DPYD: variants seen among roughly 807,000 people sequenced by gnomAD.
The protein encoded by DPYD is dihydropyrimidine dehydrogenase.
Under a neutral mutation model 116.2 loss-of-function variants are expected in DPYD, and 109 were observed. That is an observed-to-expected ratio of 0.94 (90% confidence interval 0.80 to 1.10). DPYD has a LOEUF of 1.10. Ranked by LOEUF, DPYD falls within the 50% of genes least tolerant of loss-of-function variation. The probability of loss-of-function intolerance (pLI) is 0.00; values close to 1 mark genes in which losing one functional copy is unlikely to be tolerated. For synonymous variants in DPYD, 440 were observed against 432.0 expected, an observed-to-expected ratio of 1.02 and a Z score of -0.23; for missense variants, 1,302 against 1,254.5, an observed-to-expected ratio of 1.04 and a Z score of -0.57.
chr1:97,337,652 A>AT (rs67279659), intron 16 of DPYD, among the ~76,000 whole-genome samples: 29,906 of 144,872 alleles, frequency 0.21, 3,375 homozygotes, highest in East Asian at 0.37. Context: ...GACTTAACAC[A>AT]TTTTTTTTTT....
intron 11 of DPYD, among the ~76,000 whole-genome samples, chr1:97,555,081 C>A (rs139582003): frequency 6.6e-6 from 1 of 152,140 alleles, no homozygotes. Context: ...ATGGTCTCCA[C>A]GGTCACCAAA....
At chr1:97,595,582 TTC>T (rs1314810852) in intron 8 of DPYD, among the ~76,000 whole-genome samples, 6 of 151,880 alleles carry the variant, frequency 4.0e-5, no homozygotes, top group African/African-American at 1.4e-4. Flanking sequence ...GTAAAATCAT[TTC>T]TTTTTTAATG....
intron 14 of DPYD, among the ~76,000 whole-genome samples, chr1:97,402,844 T>C (rs890073122): frequency 2.0e-5 from 3 of 152,088 alleles, no homozygotes; most frequent in Non-Finnish European, 4.4e-5. Context: ...TGTCAAATGC[T>C]TTATCTGCAT....
At chr1:97,194,526 T>C (rs1658612452) in intron 19 of DPYD, among the ~76,000 whole-genome samples, 1 of 151,922 alleles carries the variant, frequency 6.6e-6, no homozygotes, top group African/African-American at 2.4e-5. Flanking sequence ...TTTATTTATT[T>C]TTGGAGTCTC....
chr1:97,450,314 T>C, intron 13 of DPYD, 91 bp from the exon 14 acceptor site: 2 of 1,404,046 alleles, frequency 1.4e-6, no homozygotes, highest in Non-Finnish European at 2.0e-6. Flanking sequence ...CAATATTTTA[T>C]GAGGTCCCTT....
intron 21 of DPYD, among the ~76,000 whole-genome samples, chr1:97,085,267 T>C (rs1312933083): frequency 6.6e-6 from 1 of 152,192 alleles, no homozygotes; most frequent in Non-Finnish European, 1.5e-5. Context: ...CAGGAAACTC[T>C]CTAGGCAGTC....
chr1:97,855,177 A>G (rs1301091117), intron 2 of DPYD: 1 of 152,214 alleles, frequency 6.6e-6, no homozygotes, highest in East Asian at 1.9e-4. Flanking sequence ...TGTTCTCGAA[A>G]GTTCATAGTG....
chr1:97,542,381 G>A (rs903294466), intron 12 of DPYD, among the ~76,000 whole-genome samples: 17 of 152,290 alleles, frequency 1.1e-4, no homozygotes, highest in African/African-American at 3.8e-4. Flanking sequence ...TGTTTGATTA[G>A]TGGAGCTTGG....
chr1:97,632,487 G>A (rs1462174713), intron 8 of DPYD, among the ~76,000 whole-genome samples: 1 of 152,056 alleles, frequency 6.6e-6, no homozygotes, highest in East Asian at 1.9e-4. Flanking sequence ...TTCTAAACTT[G>A]CTGAAACCTG....
intron 20 of DPYD, among the ~76,000 whole-genome samples, chr1:97,126,402 C>G (rs919281579): frequency 1.3e-5 from 2 of 152,152 alleles, no homozygotes; most frequent in African/African-American, 4.8e-5. Context: ...CCTTTCTCCA[C>G]TTGTTCACAC....
chr1:97,301,719 T>C (rs1384633460), intron 18 of DPYD, among the ~76,000 whole-genome samples: 3 of 146,724 alleles, frequency 2.0e-5, no homozygotes, highest in Non-Finnish European at 4.6e-5. Context: ...TGAAGTCAGC[T>C]GCAAGAAAGA....
At chr1:97,325,423 T>A (rs886653801) in intron 16 of DPYD, among the ~76,000 whole-genome samples, 4 of 152,052 alleles carry the variant, frequency 2.6e-5, no homozygotes, top group Admixed American at 6.6e-5. Flanking sequence ...TTTTTCCTTT[T>A]TTTGAAAGTG....
At chr1:97,373,294 A>G (rs1447674078) in intron 16 of DPYD, among the ~76,000 whole-genome samples, 1 of 152,234 alleles carries the variant, frequency 6.6e-6, no homozygotes, top group Non-Finnish European at 1.5e-5. Flanking sequence ...ATTCTGCTTC[A>G]GCGCTTTTAA....
chr1:97,857,957 TG>T (rs1342279166), intron 2 of DPYD, among the ~76,000 whole-genome samples: 2 of 151,948 alleles, frequency 1.3e-5, no homozygotes, highest in Non-Finnish European at 2.9e-5. Flanking sequence ...TGGGGCTTCT[TG>T]GTCAAACAAG....
intron 13 of DPYD, among the ~76,000 whole-genome samples, chr1:97,461,954 G>C (rs545036757): frequency 7.2e-5 from 11 of 152,270 alleles, no homozygotes; most frequent in Non-Finnish European, 1.5e-4. Flanking sequence ...CTGAAAACAA[G>C]TAAACTGAAG....
chr1:97,556,663 T>G (rs1444520919), intron 11 of DPYD, among the ~76,000 whole-genome samples: 1 of 151,102 alleles, frequency 6.6e-6, no homozygotes, highest in African/African-American at 2.4e-5. Context: ...ATTTCATCCA[T>G]GTCCCTACAA....
chr1:97,293,785 T>C (rs549031519), intron 18 of DPYD, among the ~76,000 whole-genome samples: 535 of 152,066 alleles, frequency 3.5e-3, no homozygotes, highest in Middle Eastern at 0.01. Flanking sequence ...CTACTAAAAA[T>C]ACAAAAATTA....
intron 3 of DPYD, among the ~76,000 whole-genome samples, chr1:97,744,533 G>A (rs547003362): frequency 6.6e-5 from 10 of 152,106 alleles, no homozygotes; most frequent in South Asian, 4.1e-4. Context: ...CTAGAGTTTG[G>A]TTTAATTGAG....
At chr1:97,591,618 T>C (rs1654527274) in intron 10 of DPYD, among the ~76,000 whole-genome samples, 1 of 152,212 alleles carries the variant, frequency 6.6e-6, no homozygotes, top group Non-Finnish European at 1.5e-5. Flanking sequence ...AAGATGACTA[T>C]GATATAAAAT....
Sources: gnomAD v4.1 joint callset for allele counts (sites outside exome capture counted in the v4.1 genomes callset) on GRCh38, gnomAD v4.1.1 for gene constraint, MANE v1.5 for transcripts, NCBI Gene and HGNC (gene_info 2026-07-23, HGNC 2026-07-21) for gene names.